Variants in GATA5 observed in about 807,000 individuals in gnomAD.
GATA5 encodes the protein GATA binding protein 5, also known as transcription factor GATA-5.
Under a neutral mutation model 35.0 loss-of-function variants are expected in GATA5, and 27 were observed. The observed-to-expected ratio is 0.77, with a 90% CI of 0.57 to 1.06. The LOEUF is 1.06. GATA5 is among the 50% of genes least tolerant of loss of function. The probability of loss-of-function intolerance (pLI) is 0.00; values close to 1 mark genes in which losing one functional copy is unlikely to be tolerated. For missense variants in GATA5, 612 were observed against 580.0 expected, an observed-to-expected ratio of 1.06 and a Z score of -0.57; for synonymous variants, 306 against 267.8, an observed-to-expected ratio of 1.14 and a Z score of -1.39.
At position 62,464,878 on chromosome 20, in the gene GATA5, C is replaced by G; in HGVS notation, c.1152G>C (p.Gly384=). The change falls in exon 7 of 7, where the codon GGG becomes GGC. Residue 384 remains glycine, a synonymous_variant. Coordinates refer to ENST00000252997, the MANE Select transcript of GATA5 (RefSeq NM_080473.5). ...CACACCAGGCCTCTTGGCGCAGAGC[C>G]CCCCTGAGGCCAGCCTGGGGGCTTG... ...TAPSPQAGLR[G]ALRQEAWCAL... 1 of 1,609,904 alleles carries G rather than the reference C, an allele frequency of 6.2e-7. No homozygotes were observed. Among genetic ancestry groups the G allele is most frequent in the Non-Finnish European group, 8.5e-7 (1 of 1,178,374 alleles).
Position 62,475,486 on chromosome 20 carries a change from G to T in GATA5, c.36C>A (p.Arg12=). 1 of 1,321,716 alleles carries T rather than the reference G, an allele frequency of 7.6e-7. No homozygotes were observed. Among genetic ancestry groups the T allele is most frequent in the Non-Finnish European group, 9.6e-7 (1 of 1,038,430 alleles). The allele number at this position is 1,321,716 out of a possible 1,614,324, so 81.9% of individuals were successfully genotyped here. The change falls in exon 2 of 7, where the codon CGC becomes CGA. Residue 12 remains arginine (R), a synonymous_variant. Transcript: ENST00000252997. Reference sequence around the variant, plus strand: ...AGCCCGAGTCGGCGTAGGCGGCCTGGCGGGGGCTCGCGGCCAGCGCCAGGC... The same window carrying T: ...AGCCCGAGTCGGCGTAGGCGGCCTGTCGGGGGCTCGCGGCCAGCGCCAGGC... ...YQSLALAASP[R]QAAYADSGSF...
chr20:62,466,532 C>T lies in GATA5; in HGVS notation c.719G>A (p.Gly240Asp). 1 of 1,556,846 alleles carries T rather than the reference C, an allele frequency of 6.4e-7. No individual in the cohort carries two copies. Among genetic ancestry groups the T allele is most frequent in the Non-Finnish European group, 8.7e-7 (1 of 1,150,654 alleles). Residue 240 changes from glycine to aspartate, a missense_variant, in exon 4 of 7, where the codon GGC becomes GAC. Transcript: ENST00000252997. ...CGTGTGGCAGTTGGTGCAGCAGAGG[C>T]CGGCGCGGCGGGACGAGGACTGTGG... The part of the protein sequence containing the change: ...QKRLSSSRRA[G>D]LCCTNCHTTN...
At chr20:62,466,355 G>C (rs898178377) in intron 4 of GATA5, 71 bp downstream of exon 4, 1 of 1,477,182 alleles carries the variant, frequency 6.8e-7, no homozygotes, top group Non-Finnish European at 9.1e-7. Flanking sequence ...CTCTTGGTCT[G>C]AGAGTGCGGA....
rs782345116 is a variant in GATA5, at chr20:62,464,855, C to T, written c.1175G>A (p.Cys392Tyr). The change falls in exon 7 of 7, where the codon TGT becomes TAT. Residue 392 changes from cysteine (C) to tyrosine (Y), a missense_variant. Cys to Tyr is a radical substitution (Grantham distance 194). Coordinates refer to ENST00000252997, the MANE Select transcript of GATA5 (RefSeq NM_080473.5). ...LRGALRQEAW[C>Y]ALALA ...GGGGACCTAGGCCAAGGCCAGCGCA[C>T]ACCAGGCCTCTTGGCGCAGAGCCCC... The T allele has an allele frequency of 2.1e-5, 34 of 1,607,582 alleles. No individual in the cohort carries two copies. In the Middle Eastern group the frequency reaches 9.3e-4, roughly 44 times the overall value.
At position 62,465,256 on chromosome 20, in the gene GATA5, CG is replaced by C. The variant is rs1217368820; in HGVS notation, c.1038+83del. ...CCAGCCCACCTGCTGGAAGAGGCTC[CG>C]AGGGGCTCTGATGGGATCTGACTTG... On this transcript the variant is annotated intron_variant, in intron 6 of 6. Transcript: ENST00000252997. 3.7e-5 allele frequency: 52 copies of C among 1,410,618 alleles called. No homozygotes were observed. The Admixed American group carries it at 9.0e-4, about 24-fold the overall frequency. 87.4% of individuals were successfully genotyped at this position (1,410,618 alleles called of 1,614,324 possible).
At chr20:62,469,259 T>A (rs117773035) in intron 3 of GATA5, among the ~76,000 whole-genome samples, 7,900 of 152,352 alleles carry the variant, frequency 0.052, 317 homozygotes, top group Middle Eastern at 0.095. Flanking sequence ...TCCTGCAGTA[T>A]TTGGGACATG....
At chr20:62,471,990 C>T (rs1601518397) in intron 3 of GATA5, among the ~76,000 whole-genome samples, 1 of 151,726 alleles carries the variant, frequency 6.6e-6, no homozygotes, top group Admixed American at 6.6e-5. Flanking sequence ...AAGCAATCCT[C>T]CTGCTTCAGC....
chr20:62,467,552 C>T (rs935200854), intron 3 of GATA5, among the ~76,000 whole-genome samples: 6 of 152,216 alleles, frequency 3.9e-5, no homozygotes, highest in African/African-American at 1.4e-4. Flanking sequence ...CCAGCCCCTA[C>T]CCTGACCCCA....
intron 4 of GATA5, 61 bp downstream of exon 4, chr20:62,466,361 GCGGA>G: frequency 6.7e-7 from 1 of 1,492,028 alleles, no homozygotes; most frequent in Non-Finnish European, 9.0e-7. Flanking sequence ...GTCTGAGAGT[GCGGA>G]CGGCGCTCGC....
intron 1 of GATA5, 61 bp downstream of exon 1, chr20:62,475,869 C>A (rs566138569): frequency 5.4e-6 from 1 of 183,688 alleles, no homozygotes; most frequent in East Asian, 1.2e-4. Flanking sequence ...GGGGCCCCGC[C>A]GCGCTGGGAG....
intron 3 of GATA5, among the ~76,000 whole-genome samples, chr20:62,472,923 A>G (rs1159607364): frequency 6.6e-6 from 1 of 152,192 alleles, no homozygotes; most frequent in Non-Finnish European, 1.5e-5. Context: ...AAGACTCTCC[A>G]GTTTCAGATT....
intron 5 of GATA5, 92 bp from the exon 6 acceptor site, chr20:62,465,556 A>G: frequency 6.6e-7 from 1 of 1,504,340 alleles, no homozygotes; most frequent in Non-Finnish European, 8.9e-7. Flanking sequence ...GCCCCGGCCC[A>G]GAGAGGTTTG....
At chr20:62,466,282 G>A (rs1262950301) in intron 4 of GATA5, 144 bp downstream of exon 4, 17 of 979,770 alleles carry the variant, frequency 1.7e-5, no homozygotes, top group East Asian at 7.9e-5. Context: ...GCAGTCGGCC[G>A]GCCGGGACAT....
chr20:62,464,448 G>GTT lies in GATA5; in HGVS notation c.*386_*387dup, dbSNP rs1989524376. 6.3e-6 allele frequency: 1 copy of GTT among 158,158 alleles called. No individual in the cohort carries two copies. Among genetic ancestry groups the GTT allele is most frequent in the Non-Finnish European group, 1.4e-5 (1 of 72,252 alleles). 9.8% of individuals were successfully genotyped at this position (158,158 alleles called of 1,614,324 possible). On this transcript the variant is annotated 3_prime_UTR_variant, in exon 7 of 7. Coordinates refer to ENST00000252997, the MANE Select transcript of GATA5 (RefSeq NM_080473.5). ...GGGAATCTTGGTTTTACACTGGGAG[G>GTT]TTGACTGTTTTCCCCCAACTGCTAC...
Position 62,465,904 on chromosome 20 carries a change from A to C in GATA5, c.843T>G (p.Ala281=). ...GTGTCTGGATGCTTTCCTTCTTCATAGCCAGAGGCCGCGGCACCTGGCAGG... is the reference window on the plus strand; with the variant it reads ...GTGTCTGGATGCTTTCCTTCTTCATCGCCAGAGGCCGCGGCACCTGGCAGG... ...MKLHGVPRPL[A]MKKESIQTRK... The change falls in exon 5 of 7, where the codon GCT becomes GCG. Residue 281 remains alanine (A), a synonymous_variant. Transcript: ENST00000252997. The C allele has an allele frequency of 1.3e-6, 2 of 1,594,404 alleles. No homozygotes were observed. The highest frequency in any genetic ancestry group is 1.7e-6 in the Non-Finnish European group (2 of 1,170,540).
At chr20:62,465,739 G>T in intron 5 of GATA5, 95 bp downstream of exon 5, 1 of 1,050,442 alleles carries the variant, frequency 9.5e-7, no homozygotes, top group Non-Finnish European at 1.4e-6. Flanking sequence ...AGAGGACTGT[G>T]CTTGAACCAA....
At chr20:62,471,078 CAA>C (rs1989708299) in intron 3 of GATA5, among the ~76,000 whole-genome samples, 2 of 152,286 alleles carry the variant, frequency 1.3e-5, no homozygotes, top group South Asian at 4.1e-4. Flanking sequence ...GACAAAGGCT[CAA>C]AGAGCTGGGG....
chr20:62,465,256 C>A, intron 6 of GATA5, 84 bp downstream of exon 6: 1 of 1,410,618 alleles, frequency 7.1e-7, no homozygotes, highest in East Asian at 2.4e-5. Context: ...GAAGAGGCTC[C>A]GAGGGGCTCT....
chr20:62,465,136 C>T (rs547379961), intron 6 of GATA5, 145 bp from the exon 7 acceptor site: 5 of 897,560 alleles, frequency 5.6e-6, no homozygotes, highest in Non-Finnish European at 8.2e-6. Flanking sequence ...GCATGGGGGA[C>T]CCCACGTGAG....
Sources: allele counts gnomAD v4.1 joint callset (sites outside exome capture counted in the v4.1 genomes callset), GRCh38; gene constraint gnomAD v4.1.1; transcripts MANE v1.5; gene names NCBI Gene and HGNC (gene_info 2026-07-23, HGNC 2026-07-21).